RNF150: variants seen among roughly 807,000 people sequenced by gnomAD.
RNF150 encodes the protein ring finger protein 150.
Under a neutral mutation model 39.3 loss-of-function variants are expected in RNF150, and 24 were observed. The ratio of observed to expected loss-of-function variants is 0.61; its 90% CI spans 0.44 to 0.86. The LOEUF (loss-of-function observed/expected upper bound fraction) is 0.86. Among genes scored for constraint, RNF150 ranks in the 40% least tolerant of loss-of-function variants. The probability of loss-of-function intolerance (pLI) is 0.00; values close to 1 mark genes in which losing one functional copy is unlikely to be tolerated. For synonymous variants in RNF150, 255 were observed against 227.3 expected (o/e 1.12, Z -1.10); for missense variants, 502 against 587.8 (o/e 0.85, Z 1.51).
At chr4:140,965,257 T>C (rs1464425379) in intron 2 of RNF150, among the ~76,000 whole-genome samples, 1 of 152,008 alleles carries the variant, frequency 6.6e-6, no homozygotes, top group Non-Finnish European at 1.5e-5. Flanking sequence ...GGTGAGGGTA[T>C]GGAGAAAAAG....
At chr4:141,165,495 A>G (rs1202927263) in intron 1 of RNF150, among the ~76,000 whole-genome samples, 1 of 152,196 alleles carries the variant, frequency 6.6e-6, no homozygotes, top group Non-Finnish European at 1.5e-5. Flanking sequence ...CAGAATATAC[A>G]TTTTTCTTAG....
upstream of RNF150, among the ~76,000 whole-genome samples, chr4:141,134,179 G>T (rs1190685508): frequency 1.3e-5 from 2 of 152,176 alleles, no homozygotes; most frequent in African/African-American, 4.8e-5. Context: ...GCACCAACAG[G>T]CAAGGGAGGT....
chr4:141,177,073 A>AAT (rs1727826679), intron 1 of RNF150, among the ~76,000 whole-genome samples: 1 of 147,658 alleles, frequency 6.8e-6, no homozygotes, highest in Non-Finnish European at 1.5e-5. Context: ...AAAAAAAAAA[A>AAT]ACAAAGAAAA....
chr4:141,088,110 T>C (rs557873375), intron 1 of RNF150, among the ~76,000 whole-genome samples: 100 of 152,312 alleles, frequency 6.6e-4, no homozygotes, highest in Middle Eastern at 3.4e-3. Context: ...TTTGGTCATA[T>C]ATAAACTGAG....
intron 1 of RNF150, among the ~76,000 whole-genome samples, chr4:140,990,649 C>A (rs570937268): frequency 6.6e-6 from 1 of 152,340 alleles, no homozygotes; most frequent in African/African-American, 2.4e-5. Context: ...ATCCATGTCC[C>A]TGCAAAGAAC....
chr4:140,862,407 T>C lies in RNF150; in HGVS notation c.*5854A>G, dbSNP rs1728526654. ...GTGATTATGAAGCACTCAAGGCAGGTGAAGAGAGATGTGACTGACCTTAGC... is the reference window on the plus strand; with the variant it reads ...GTGATTATGAAGCACTCAAGGCAGGCGAAGAGAGATGTGACTGACCTTAGC... On this transcript the variant is annotated 3_prime_UTR_variant, in exon 7 of 7. Coordinates refer to ENST00000515673, the MANE Select transcript of RNF150 (RefSeq NM_020724.2). The C allele has an allele frequency of 6.6e-6, 1 of 152,126 alleles. No homozygotes were observed. The highest frequency in any genetic ancestry group is 6.5e-5 in the Admixed American group (1 of 15,268). 9.4% of individuals were successfully genotyped at this position (152,126 alleles called of 1,614,324 possible).
rs753385665 is a variant in RNF150, at chr4:141,132,427, A to C, written c.382T>G (p.Tyr128Asp). 1.2e-6 allele frequency: 2 copies of C among 1,610,106 alleles called. No homozygotes were observed. The highest frequency in any genetic ancestry group is 2.2e-5 in the South Asian group (2 of 89,828). ...AACGCGTTCCGGATCTTATCCCTGTACGTGCAGTTGCCCTTGGGGATGAGG... is the reference window on the plus strand; with the variant it reads ...AACGCGTTCCGGATCTTATCCCTGTCCGTGCAGTTGCCCTTGGGGATGAGG... ...IALIPKGNCT[Y>D]RDKIRNAFLQ... Residue 128 changes from tyrosine to aspartate, a missense_variant, in exon 1 of 7, where the codon TAC becomes GAC. Coordinates refer to ENST00000515673, the MANE Select transcript of RNF150 (RefSeq NM_020724.2). The surrounding 1 kb of genome is among the most constrained non-coding windows in gnomAD (Gnocchi z 4.9).
intron 1 of RNF150, chr4:140,996,983 C>A (rs150592810): frequency 4.6e-5 from 7 of 152,328 alleles, no homozygotes; most frequent in African/African-American, 1.2e-4. Flanking sequence ...TGTGTGGTTT[C>A]TCTGCTTCCA....
intron 5 of RNF150, among the ~76,000 whole-genome samples, chr4:140,917,392 A>C (rs1401149048): frequency 2.0e-5 from 3 of 152,258 alleles, no homozygotes; most frequent in Non-Finnish European, 4.4e-5. Context: ...TTGCAATCCT[A>C]GTCTCTGATA....
intron 1 of RNF150, among the ~76,000 whole-genome samples, chr4:141,177,066 A>C (rs965763978): frequency 1.3e-5 from 2 of 151,344 alleles, no homozygotes; most frequent in African/African-American, 2.4e-5. Context: ...AAAAAAAAAA[A>C]AAAAAAAACA....
In RNF150 at chr4:140,925,990, G is replaced by A. The variant is rs1731386690; in HGVS notation, c.974C>T (p.Ala325Val). The A allele has an allele frequency of 6.2e-7, 1 of 1,611,768 alleles. No homozygotes were observed. The highest frequency in any genetic ancestry group is 8.5e-7 in the Non-Finnish European group (1 of 1,177,854). ...TGCTGTGCTTACCGGGATCCCTAGG[G>A]CTTTAAGAATGTTCATCTTGCACAT... Reference protein sequence around the residue: ...CPMCKMNILKALGIPPNADCM... With the variant: ...CPMCKMNILKVLGIPPNADCM... Residue 325 changes from alanine (A) to valine (V), a missense_variant, in exon 5 of 7, where the codon GCC becomes GTC. By Grantham distance (64) the Ala-to-Val change is moderately conservative (BLOSUM62 0). Coordinates refer to ENST00000515673, the MANE Select transcript of RNF150 (RefSeq NM_020724.2).
At chr4:141,071,843 C>T (rs1737718853) in intron 1 of RNF150, among the ~76,000 whole-genome samples, 1 of 152,100 alleles carries the variant, frequency 6.6e-6, no homozygotes, top group Non-Finnish European at 1.5e-5. Context: ...GTCCCAAAGA[C>T]CAAAAGCTAT....
At chr4:141,110,274 T>C (rs1189213654) in intron 1 of RNF150, among the ~76,000 whole-genome samples, 1 of 152,190 alleles carries the variant, frequency 6.6e-6, no homozygotes, top group Non-Finnish European at 1.5e-5. Context: ...CCGAGAGGAA[T>C]CTGGGAACAG....
intron 1 of RNF150, among the ~76,000 whole-genome samples, chr4:141,027,935 T>TG (rs58687388): frequency 2.0e-4 from 24 of 122,626 alleles, no homozygotes; most frequent in South Asian, 5.5e-4. Context: ...TGTTTTTTTT[T>TG]TTTTTTTTTT....
At chr4:141,118,421 T>C (rs1384155410) in intron 1 of RNF150, among the ~76,000 whole-genome samples, 1 of 152,150 alleles carries the variant, frequency 6.6e-6, no homozygotes, top group Non-Finnish European at 1.5e-5. Flanking sequence ...GGTGTTGAGA[T>C]GGTATCTATT....
At chr4:140,874,685 C>T (rs111675673) in intron 6 of RNF150, among the ~76,000 whole-genome samples, 20 of 152,280 alleles carry the variant, frequency 1.3e-4, no homozygotes, top group African/African-American at 4.3e-4. Context: ...AGTCTCGGCT[C>T]ATGGCAGCCT....
intron 1 of RNF150, among the ~76,000 whole-genome samples, chr4:141,204,872 CTG>C: frequency 6.6e-6 from 1 of 152,280 alleles, no homozygotes; most frequent in Middle Eastern, 3.4e-3. Flanking sequence ...CAATCTAAGA[CTG>C]TTTATTATTT....
chr4:140,916,827 G>A (rs11100682), intron 5 of RNF150, among the ~76,000 whole-genome samples: 83,866 of 152,024 alleles, frequency 0.55, 23,632 homozygotes, highest in East Asian at 0.89. Flanking sequence ...AAGCCCATCA[G>A]ACTAACAGCT....
chr4:141,108,111 T>C (rs561689440), intron 1 of RNF150, among the ~76,000 whole-genome samples: 2 of 152,250 alleles, frequency 1.3e-5, no homozygotes, highest in East Asian at 1.9e-4. Context: ...CAGGGAGAAA[T>C]GGTGTGAAAG....
Sources: gnomAD v4.1 joint callset for allele counts (sites outside exome capture counted in the v4.1 genomes callset) on GRCh38, gnomAD v4.1.1 for gene constraint, Gnocchi (gnomAD v3.1) non-coding constraint, MANE v1.5 for transcripts, NCBI Gene and HGNC (gene_info 2026-07-23, HGNC 2026-07-21) for gene names.